The following CTNNA3 variants were observed in gnomAD, a reference collection of about 807,000 sequenced individuals.
CTNNA3 encodes the protein catenin alpha-3.
CTNNA3 carries 76 observed loss-of-function variants against 95.7 expected under a neutral mutation model. The observed-to-expected ratio is 0.79, with a 90% CI of 0.66 to 0.96. CTNNA3 has a LOEUF of 0.96. Among genes scored for constraint, CTNNA3 ranks in the 40% least tolerant of loss-of-function variants. The pLI is 0.00. For missense variants in CTNNA3, 1,191 were observed against 1,089.8 expected (o/e 1.09, Z -1.31); for synonymous variants, 431 against 374.4 (o/e 1.15, Z -1.74).
chr10:66,361,034 G>A (rs2092670197), intron 12 of CTNNA3, among the ~76,000 whole-genome samples: 2 of 150,244 alleles, frequency 1.3e-5, no homozygotes. Flanking sequence ...ATAGTTCATT[G>A]CATCCTTGAA....
At chr10:66,400,324 G>A (rs1240268185) in intron 11 of CTNNA3, among the ~76,000 whole-genome samples, 3 of 152,040 alleles carry the variant, frequency 2.0e-5, no homozygotes, top group African/African-American at 7.2e-5. Flanking sequence ...GAGATAATTA[G>A]TAATTTTTAT....
chr10:66,137,463 A>C (rs2083412848), intron 13 of CTNNA3, among the ~76,000 whole-genome samples: 1 of 152,176 alleles, frequency 6.6e-6, no homozygotes. Context: ...CCAATGCATG[A>C]ATCTCAATTA....
At chr10:66,459,879 C>A (rs2093517222) in intron 11 of CTNNA3, among the ~76,000 whole-genome samples, 1 of 151,976 alleles carries the variant, frequency 6.6e-6, no homozygotes, top group Non-Finnish European at 1.5e-5. Flanking sequence ...TGAATGACTG[C>A]ATTTAGTAAT....
At chr10:66,360,601 T>TTC (rs1384529516) in intron 12 of CTNNA3, among the ~76,000 whole-genome samples, 3 of 24,354 alleles carry the variant, frequency 1.2e-4, no homozygotes, top group East Asian at 2.2e-3. Context: ...CTTTCCTTCT[T>TTC]TCTTTCTTTC....
intron 5 of CTNNA3, among the ~76,000 whole-genome samples, chr10:67,347,976 C>T (rs1842496226): frequency 6.6e-6 from 1 of 151,978 alleles, no homozygotes; most frequent in Non-Finnish European, 1.5e-5. Context: ...TTCACCAAAC[C>T]AGAAACGTCA....
chr10:67,160,374 T>C (rs1245131787), intron 7 of CTNNA3, among the ~76,000 whole-genome samples: 1 of 150,604 alleles, frequency 6.6e-6, no homozygotes, highest in African/African-American at 2.4e-5. Context: ...TTTGGGTTTA[T>C]ACATGAAGAA....
chr10:65,946,117 A>G (rs2077512862), intron 17 of CTNNA3, among the ~76,000 whole-genome samples: 1 of 152,164 alleles, frequency 6.6e-6, no homozygotes, highest in Non-Finnish European at 1.5e-5. Flanking sequence ...GACCTCTTTA[A>G]GTTGCAATTT....
At chr10:67,469,601 G>T (rs1255471916) in intron 5 of CTNNA3, among the ~76,000 whole-genome samples, 1 of 150,034 alleles carries the variant, frequency 6.7e-6, no homozygotes, top group African/African-American at 2.5e-5. Flanking sequence ...ATACACCGGG[G>T]CCTGTCGGGG....
intron 5 of CTNNA3, among the ~76,000 whole-genome samples, chr10:67,288,595 C>T (rs563562715): frequency 1.3e-5 from 2 of 152,236 alleles, no homozygotes; most frequent in East Asian, 1.9e-4. Flanking sequence ...CTTTCTTTAA[C>T]AATAACAACA....
intron 1 of CTNNA3, among the ~76,000 whole-genome samples, chr10:67,692,181 C>T (rs1358151350): frequency 2.4e-4 from 37 of 151,178 alleles, no homozygotes; most frequent in African/African-American, 6.6e-4. Flanking sequence ...TCTGCCCGGC[C>T]GCCCCTACTG....
intron 7 of CTNNA3, among the ~76,000 whole-genome samples, chr10:67,018,308 C>T (rs17279293): frequency 0.11 from 16,935 of 152,170 alleles, 1,173 homozygotes; most frequent in South Asian, 0.28. Flanking sequence ...TCTTCGCTTT[C>T]ACCCATTTCT....
chr10:67,563,631 AATTGAC>A (rs1383739284), intron 3 of CTNNA3, among the ~76,000 whole-genome samples: 2 of 152,204 alleles, frequency 1.3e-5, no homozygotes, highest in African/African-American at 4.8e-5. Flanking sequence ...CAAAAGCCTA[AATTGAC>A]AAATGGGATC....
chr10:66,393,404 T>C (rs886784587), intron 11 of CTNNA3, among the ~76,000 whole-genome samples: 3 of 152,116 alleles, frequency 2.0e-5, no homozygotes, highest in African/African-American at 4.8e-5. Context: ...GGTTCATCAA[T>C]AGTAACAATA....
intron 5 of CTNNA3, among the ~76,000 whole-genome samples, chr10:67,354,823 A>G (rs1842756985): frequency 6.6e-6 from 1 of 152,006 alleles, no homozygotes; most frequent in African/African-American, 2.4e-5. Context: ...TGGTCTTACA[A>G]TAAAGCAAAC....
chr10:66,372,520 C>T (rs1482667905), intron 12 of CTNNA3, among the ~76,000 whole-genome samples: 1 of 152,166 alleles, frequency 6.6e-6, no homozygotes, highest in African/African-American at 2.4e-5. Context: ...TTCTTTTCAG[C>T]CCATGCCAAT....
chr10:67,368,740 G>GA (rs35088148), intron 5 of CTNNA3, among the ~76,000 whole-genome samples: 15 of 152,044 alleles, frequency 9.9e-5, no homozygotes, highest in Admixed American at 2.6e-4. Context: ...TATGCTGAGT[G>GA]AAAAAAAGCT....
intron 3 of CTNNA3, among the ~76,000 whole-genome samples, chr10:67,545,877 A>G (rs1472089921): frequency 6.6e-6 from 1 of 152,234 alleles, no homozygotes; most frequent in Non-Finnish European, 1.5e-5. Context: ...CACTGGAAAT[A>G]ACTTTCAGTC....
intron 5 of CTNNA3, among the ~76,000 whole-genome samples, chr10:67,369,193 G>T (rs1023836669): frequency 1.4e-4 from 21 of 152,204 alleles, no homozygotes; most frequent in African/African-American, 4.8e-4. Flanking sequence ...AGATGAATAG[G>T]AAGAATTAAA....
chr10:66,567,173 C>T (rs1350254513), intron 10 of CTNNA3, among the ~76,000 whole-genome samples: 2 of 148,548 alleles, frequency 1.3e-5, no homozygotes. Flanking sequence ...AACTCACAGG[C>T]AGTTGACAGA....
Sources: gnomAD v4.1 joint callset for allele counts (sites outside exome capture counted in the v4.1 genomes callset) on GRCh38, gnomAD v4.1.1 for gene constraint, MANE v1.5 for transcripts, NCBI Gene and HGNC (gene_info 2026-07-23, HGNC 2026-07-21) for gene names.